ZMYND8: variants seen among roughly 807,000 people sequenced by gnomAD.
ZMYND8 encodes zinc finger MYND-type containing 8.
A neutral mutation model predicts 140.8 loss-of-function variants in ZMYND8; 37 were observed. The observed-to-expected ratio is 0.26, with a 90% CI of 0.20 to 0.35. ZMYND8 has a LOEUF of 0.35. ZMYND8 is among the 10% of genes least tolerant of loss of function. The pLI is 1.00. For missense variants in ZMYND8, 1,068 were observed against 1,570.0 expected, an observed-to-expected ratio of 0.68 and a Z score of 5.40; for synonymous variants, 592 against 597.1, an observed-to-expected ratio of 0.99 and a Z score of 0.12.
chr20:47,319,085 A>G lies in ZMYND8; in HGVS notation c.86-8881T>C, dbSNP rs893621885. ...TCCCAGGGGGAGGAGGAAGAAGCAAAGAGAACAGGCTAAGAGTCACCACTT... is the reference window on the plus strand; with the variant it reads ...TCCCAGGGGGAGGAGGAAGAAGCAAGGAGAACAGGCTAAGAGTCACCACTT... On this transcript the variant is annotated intron_variant, in intron 2 of 22. Transcript: ENST00000471951. 7 of 1,314,736 alleles carry G rather than the reference A, an allele frequency of 5.3e-6. No homozygotes were observed. The African/African-American group carries it at 1.0e-4, about 20-fold the overall frequency. 81.4% of individuals were successfully genotyped at this position (1,314,736 alleles called of 1,614,324 possible). A position where few individuals can be genotyped will look rare whatever the true frequency, so the allele number is the denominator to read the frequency against.
chr20:47,303,348 A>G (rs928085127), intron 3 of ZMYND8, among the ~76,000 whole-genome samples: 5 of 152,140 alleles, frequency 3.3e-5, no homozygotes, highest in African/African-American at 9.7e-5. Context: ...TTTTTGAAAG[A>G]TAACAGTCAG....
At chr20:47,232,159 G>C (rs1182238718) in intron 16 of ZMYND8, among the ~76,000 whole-genome samples, 1 of 152,184 alleles carries the variant, frequency 6.6e-6, no homozygotes, top group African/African-American at 2.4e-5. Context: ...ATCACCTGAG[G>C]TCAGGAGTTC....
Position 47,239,066 on chromosome 20 carries a change from G to T in ZMYND8, c.2357C>A (p.Ser786Tyr). 1 of 1,562,396 alleles carries T rather than the reference G, an allele frequency of 6.4e-7. No individual in the cohort carries two copies. ...SPPETPVLTR[S>Y]SAQTSAAGAT... ...GCCAGCCGCGGAAGTTTGGGCGGAA[G>T]AGCGGGTGAGCACCGGTGTTTCCGG... The change falls in exon 15 of 23, where the codon TCT (serine) becomes TAT (tyrosine). Residue 786 changes from serine (S) to tyrosine (Y), a missense_variant. Ser to Tyr is a moderately radical substitution (Grantham distance 144, BLOSUM62 -2). Around this residue, in one of 10 missense-constraint regions of ZMYND8, gnomAD observed 383 missense variants for 431.2 expected, o/e 0.89. Coordinates refer to ENST00000471951, the MANE Select transcript of ZMYND8 (RefSeq NM_001281775.3).
At chr20:47,215,190 C>A (rs567310063) in intron 21 of ZMYND8, among the ~76,000 whole-genome samples, 1 of 152,120 alleles carries the variant, frequency 6.6e-6, no homozygotes, top group African/African-American at 2.4e-5. Flanking sequence ...CTGGGCAACA[C>A]GGTGAAACCC....
chr20:47,325,480 C>T (rs2080334895), intron 2 of ZMYND8, among the ~76,000 whole-genome samples: 1 of 152,172 alleles, frequency 6.6e-6, no homozygotes, highest in East Asian at 1.9e-4. Context: ...GAATTTCTTC[C>T]AGCAAATCAG....
At chr20:47,281,666 G>T (rs2076613542) in intron 10 of ZMYND8, among the ~76,000 whole-genome samples, 1 of 152,124 alleles carries the variant, frequency 6.6e-6, no homozygotes, top group African/African-American at 2.4e-5. Context: ...AAAGGGAACA[G>T]GAGAGAACTA....
chr20:47,281,043 GA>G (rs2076575876), intron 10 of ZMYND8, among the ~76,000 whole-genome samples: 1 of 152,182 alleles, frequency 6.6e-6, no homozygotes, highest in African/African-American at 2.4e-5. Flanking sequence ...CACATGGGCA[GA>G]AACATTTGAA....
chr20:47,324,382 G>A (rs1400320800), intron 2 of ZMYND8, among the ~76,000 whole-genome samples: 1 of 151,818 alleles, frequency 6.6e-6, no homozygotes, highest in Non-Finnish European at 1.5e-5. Flanking sequence ...AGCCAGGCAT[G>A]GTGGCGGGTG....
chr20:47,213,751 T>C (rs1019725882), intron 21 of ZMYND8, among the ~76,000 whole-genome samples: 1 of 152,128 alleles, frequency 6.6e-6, no homozygotes, highest in Admixed American at 6.5e-5. Context: ...AATAGCAACC[T>C]CAGTAGTGTG....
intron 10 of ZMYND8, among the ~76,000 whole-genome samples, chr20:47,280,106 C>G (rs1220750189): frequency 7.9e-6 from 1 of 127,200 alleles, no homozygotes; most frequent in Admixed American, 8.9e-5. Flanking sequence ...GCCTAGGTGA[C>G]AAACCAAGAC....
intron 2 of ZMYND8, 151 bp downstream of exon 2, chr20:47,347,705 G>A: frequency 1.3e-6 from 1 of 747,750 alleles, no homozygotes; most frequent in Non-Finnish European, 2.2e-6. Context: ...CATCAATTAG[G>A]TTCATCCATC....
chr20:47,284,032 C>T lies in ZMYND8; in HGVS notation c.805-384G>A, dbSNP rs1025369028. Among the ~76,000 whole-genome samples the T allele has an allele frequency of 5.9e-5, 9 of 152,232 alleles. No individual in the cohort carries two copies. The South Asian group carries it at 6.2e-4, about 11-fold the overall frequency. The stretch of plus-strand genomic sequence containing the variant: ...TCGCTTCCTGCGTTCAAGCAATTCT[C>T]GTGCCTCAGCCTCCCAAGTAGCAGA... On this transcript the variant is annotated intron_variant, in intron 8 of 22. Coordinates refer to ENST00000471951, the MANE Select transcript of ZMYND8 (RefSeq NM_001281775.3).
intron 4 of ZMYND8, among the ~76,000 whole-genome samples, chr20:47,296,904 A>G (rs974432378): frequency 6.6e-6 from 1 of 152,152 alleles, no homozygotes; most frequent in African/African-American, 2.4e-5. Flanking sequence ...TGCAGTGAGC[A>G]AGATCTCGTT....
intron 12 of ZMYND8, among the ~76,000 whole-genome samples, chr20:47,261,227 A>T (rs573327833): frequency 5.9e-5 from 9 of 152,216 alleles, no homozygotes; most frequent in Admixed American, 1.3e-4. Context: ...ATCTCAAAAA[A>T]AATAATAATA....
chr20:47,290,581 T>TA (rs1248582110), intron 6 of ZMYND8, among the ~76,000 whole-genome samples: 1 of 148,484 alleles, frequency 6.7e-6, no homozygotes. Flanking sequence ...TTTATTTATT[T>TA]AGTTTTTTTT....
chr20:47,318,221 GTTT>G (rs990621606), intron 2 of ZMYND8, among the ~76,000 whole-genome samples: 1 of 152,152 alleles, frequency 6.6e-6, no homozygotes, highest in African/African-American at 2.4e-5. Flanking sequence ...AAAATGCCAG[GTTT>G]CCCCCAGTAA....
chr20:47,282,983 C>A (rs76186423), intron 9 of ZMYND8, among the ~76,000 whole-genome samples: 2 of 152,214 alleles, frequency 1.3e-5, no homozygotes, highest in East Asian at 3.9e-4. Context: ...CGAAGAGATG[C>A]AAAGTATATT....
At chr20:47,356,363 C>G in intron 1 of ZMYND8, 1 of 1,447,476 alleles carries the variant, frequency 6.9e-7, no homozygotes, top group African/African-American at 1.5e-5. Flanking sequence ...AAAAAAAAAG[C>G]TTCTTTTTTG....
At chr20:47,314,572 G>A (rs1218819364) in intron 2 of ZMYND8, among the ~76,000 whole-genome samples, 2 of 152,188 alleles carry the variant, frequency 1.3e-5, no homozygotes, top group Non-Finnish European at 2.9e-5. Flanking sequence ...GAAACTCTGG[G>A]GTAGGGCCCA....
Sources: allele counts gnomAD v4.1 joint callset (sites outside exome capture counted in the v4.1 genomes callset), GRCh38; gene constraint gnomAD v4.1.1; regional missense constraint gnomAD v4.1.1; transcripts MANE v1.5; gene names NCBI Gene and HGNC (gene_info 2026-07-23, HGNC 2026-07-21).